The following CELF2 variants were observed in gnomAD, a reference collection of about 807,000 sequenced individuals.
The protein encoded by CELF2 is CUGBP Elav-like family member 2, also known as CUG triplet repeat RNA-binding protein 2.
CELF2 carries 8 observed loss-of-function variants against 62.6 expected under a neutral mutation model. The ratio of observed to expected loss-of-function variants is 0.13; its 90% confidence interval spans 0.07 to 0.23. The LOEUF is 0.23. Ranked by LOEUF, CELF2 falls within the 10% of genes least tolerant of loss-of-function variation. CELF2 has a pLI of 1.00. For missense variants in CELF2, 333 were observed against 671.0 expected, an observed-to-expected ratio of 0.50 and a Z score of 5.56; for synonymous variants, 258 against 250.0, an observed-to-expected ratio of 1.03 and a Z score of -0.30.
intron 2 of CELF2, among the ~76,000 whole-genome samples, chr10:11,170,229 T>TA (rs1300980366): frequency 2.6e-5 from 4 of 152,180 alleles, no homozygotes; most frequent in African/African-American, 9.7e-5. Context: ...AGTGGAAAGA[T>TA]ACTTCATTTG....
chr10:11,245,871 TTGGACATTTTA>T (rs2075442810), intron 3 of CELF2, among the ~76,000 whole-genome samples: 1 of 152,176 alleles, frequency 6.6e-6, no homozygotes, highest in Non-Finnish European at 1.5e-5. Context: ...AAGTCCCACA[TTGGACATTTTA>T]TGGAGAAGCA....
At chr10:10,500,455 T>C in the CELF2 span, among the ~76,000 whole-genome samples, 2 of 152,206 alleles carry the variant, frequency 1.3e-5, no homozygotes, top group African/African-American at 4.8e-5. Flanking sequence ...TTTCCTGTGC[T>C]GCTCTCATGA....
intron 1 of CELF2, among the ~76,000 whole-genome samples, chr10:11,163,870 T>C (rs1455346071): frequency 6.6e-6 from 1 of 152,220 alleles, no homozygotes; most frequent in Non-Finnish European, 1.5e-5. Context: ...ATCTTGTTTT[T>C]AGGGGCTTAG....
the CELF2 span, chr10:10,792,608 T>C: frequency 2.5e-6 from 1 of 393,184 alleles, no homozygotes; most frequent in Non-Finnish European, 4.5e-6. Flanking sequence ...GTAAGATCAA[T>C]GTTTCAGGTG....
chr10:10,615,012 T>C, the CELF2 span, among the ~76,000 whole-genome samples: 1 of 151,996 alleles, frequency 6.6e-6, no homozygotes, highest in African/African-American at 2.4e-5. Context: ...CTTAGTTTAG[T>C]AAAGGTACAG....
In CELF2 at chr10:11,157,392, C is replaced by CCA. The variant is rs35476826; in HGVS notation, c.75-8079_75-8078dup. ...TTTGACTTTGATATCCGCCCTCCCC[C>CCA]CACACACACACACACAAAAATTTCA... On this transcript the variant is annotated intron_variant, in intron 1 of 12. Transcript: ENST00000633077. The surrounding 1 kb of genome is among the most constrained non-coding windows in gnomAD (Gnocchi z 4.9). Among the ~76,000 whole-genome samples the CCA allele has an allele frequency of 7.7e-5, 9 of 116,696 alleles. No homozygotes were observed. The highest frequency in any genetic ancestry group is 1.3e-4 in the Non-Finnish European group (7 of 55,736). The allele number at this position is 116,696 out of a possible 152,430, so 76.6% of individuals were successfully genotyped here. A position where few individuals can be genotyped will look rare whatever the true frequency, so the allele number is the denominator to read the frequency against.
chr10:10,939,969 A>G (rs1250282834), intron 2 of CELF2, among the ~76,000 whole-genome samples: 3 of 152,164 alleles, frequency 2.0e-5, no homozygotes, highest in Non-Finnish European at 2.9e-5. Context: ...ATAAAGAAAA[A>G]GAAAAGCCAG....
Position 11,303,000 on chromosome 10 carries a change from A to T in CELF2, c.977-11139A>T, listed in dbSNP as rs1192897015. ...GCCATCAAGCCTAGCCTCAGGGTCT[A>T]CAGAAACCCCCTTGATACATGTCGG... On this transcript the variant is annotated intron_variant, in intron 9 of 12. Coordinates refer to ENST00000633077, the MANE Select transcript of CELF2 (RefSeq NM_001326342.2). This position sits in a 1 kb window ranked among gnomAD's most constrained non-coding sequence, Gnocchi z 5.0. Among the ~76,000 whole-genome samples, 3 of 152,160 alleles carry T rather than the reference A, an allele frequency of 2.0e-5. No homozygotes were observed. Among genetic ancestry groups the T allele is most frequent in the Non-Finnish European group, 2.9e-5 (2 of 68,026 alleles).
chr10:10,749,511 CA>C, the CELF2 span, among the ~76,000 whole-genome samples: 3 of 152,126 alleles, frequency 2.0e-5, no homozygotes, highest in Admixed American at 2.0e-4. Flanking sequence ...TTTAGAATAT[CA>C]AAATACTGAT....
In CELF2 at chr10:11,010,609, G is replaced by A. The variant is rs900643993; in HGVS notation, c.53+5169G>A. On this transcript the variant is annotated intron_variant, in intron 1 of 12. Transcript: ENST00000416382. This position sits in a 1 kb window ranked among gnomAD's most constrained non-coding sequence, Gnocchi z 4.1. ...AGATGAAAAACTGAGCCCGAGAGAG[G>A]TAAAGTCACAGGCCCATAGACACAG... Among the ~76,000 whole-genome samples the A allele has an allele frequency of 6.6e-5, 10 of 152,174 alleles. No individual in the cohort carries two copies. The highest frequency in any genetic ancestry group is 2.2e-4 in the African/African-American group (9 of 41,436).
chr10:10,814,682 G>T (rs999271457), intron 1 of CELF2, among the ~76,000 whole-genome samples: 19 of 152,202 alleles, frequency 1.2e-4, no homozygotes, highest in African/African-American at 4.1e-4. Context: ...TGGCCCTCCA[G>T]TTTCCTCCTG....
chr10:10,622,464 ATG>A, the CELF2 span, among the ~76,000 whole-genome samples: 13 of 150,914 alleles, frequency 8.6e-5, no homozygotes, highest in South Asian at 1.1e-3. Flanking sequence ...ATACATACGT[ATG>A]TGTGTGTGTG....
intron 1 of CELF2, among the ~76,000 whole-genome samples, chr10:11,132,908 A>G (rs1209292950): frequency 6.6e-6 from 1 of 152,156 alleles, no homozygotes; most frequent in East Asian, 1.9e-4. Context: ...AGGATAAATA[A>G]CGATTCAGGA....
chr10:10,579,411 A>G, the CELF2 span, among the ~76,000 whole-genome samples: 1 of 152,166 alleles, frequency 6.6e-6, no homozygotes, highest in Non-Finnish European at 1.5e-5. Flanking sequence ...TGGATGCCTC[A>G]CTTTGGCTTG....
the CELF2 span, among the ~76,000 whole-genome samples, chr10:10,575,690 G>T: frequency 2.6e-5 from 4 of 152,236 alleles, no homozygotes; most frequent in South Asian, 2.1e-4. Flanking sequence ...AAATTTTTAG[G>T]TCAACACATC....
chr10:10,659,243 T>A, the CELF2 span, among the ~76,000 whole-genome samples: 2 of 152,210 alleles, frequency 1.3e-5, no homozygotes, highest in Non-Finnish European at 2.9e-5. Flanking sequence ...ATGTGCCCCA[T>A]GTACAAATAA....
At chr10:11,140,361 C>T (rs907520831) in intron 1 of CELF2, among the ~76,000 whole-genome samples, 1 of 152,110 alleles carries the variant, frequency 6.6e-6, no homozygotes, top group Non-Finnish European at 1.5e-5. Context: ...CCATCTCACC[C>T]TCCCAGGTAG....
At chr10:11,173,718 T>C (rs1013077529) in intron 2 of CELF2, among the ~76,000 whole-genome samples, 5 of 152,202 alleles carry the variant, frequency 3.3e-5, no homozygotes, top group African/African-American at 1.2e-4. Flanking sequence ...CATTATCTAA[T>C]ATTGGGTGGG....
chr10:10,616,296 GT>G, the CELF2 span, among the ~76,000 whole-genome samples: 40 of 71,850 alleles, frequency 5.6e-4, no homozygotes, highest in African/African-American at 1.7e-3. Context: ...TTTGTTTGGG[GT>G]GTGTGTGTGT....
Sources: allele counts gnomAD v4.1 joint callset (sites outside exome capture counted in the v4.1 genomes callset), GRCh38; gene constraint gnomAD v4.1.1; non-coding constraint Gnocchi (gnomAD v3.1); transcripts MANE v1.5; gene names NCBI Gene and HGNC (gene_info 2026-07-23, HGNC 2026-07-21).